Variants in RALGAPA1 observed in about 807,000 individuals in gnomAD.
The protein encoded by RALGAPA1 is ral GTPase-activating protein subunit alpha-1.
Under a neutral mutation model 269.6 loss-of-function variants are expected in RALGAPA1, and 52 were observed. The observed-to-expected ratio is 0.19, with a 90% CI of 0.15 to 0.24. The LOEUF (loss-of-function observed/expected upper bound fraction) is 0.24. Among genes scored for constraint, RALGAPA1 ranks in the 10% least tolerant of loss-of-function variants. The pLI, the probability that RALGAPA1 is intolerant of heterozygous loss-of-function variation, is 1.00. For synonymous variants in RALGAPA1, 817 were observed against 1,008.3 expected (o/e 0.81, Z 3.60); for missense variants, 1,917 against 3,013.9 (o/e 0.64, Z 8.52).
chr14:35,629,663 C>T (rs1054152768), intron 33 of RALGAPA1, among the ~76,000 whole-genome samples: 2 of 152,096 alleles, frequency 1.3e-5, no homozygotes, highest in Non-Finnish European at 2.9e-5. Flanking sequence ...CACCGCCACG[C>T]CCAGCTATTG....
At chr14:35,632,518 G>A (rs2061421549) in intron 33 of RALGAPA1, among the ~76,000 whole-genome samples, 1 of 152,148 alleles carries the variant, frequency 6.6e-6, no homozygotes, top group Admixed American at 6.5e-5. Context: ...AACATGCAGA[G>A]GAAGTTAATT....
Position 35,702,025 on chromosome 14 carries a change from C to T in RALGAPA1, c.2267-1723G>A, listed in dbSNP as rs112280710. Among the ~76,000 whole-genome samples, 70 of 152,256 alleles carry T rather than the reference C, an allele frequency of 4.6e-4. 2 individuals carry two copies. Among genetic ancestry groups the T allele is most frequent in the African/African-American group, 1.5e-3 (61 of 41,548 alleles). On this transcript the variant is annotated intron_variant, in intron 16 of 41. Coordinates refer to ENST00000680220, the MANE Select transcript of RALGAPA1 (RefSeq NM_001346249.2). ...AATAAACAAAAACAAACAAGAATTC[C>T]CACTTTTGCAAAACTTACAATCTAT...
chr14:35,604,237 A>G (rs963677788), intron 36 of RALGAPA1, among the ~76,000 whole-genome samples: 2 of 152,046 alleles, frequency 1.3e-5, no homozygotes, highest in Admixed American at 6.6e-5. Flanking sequence ...ATTACACTCA[A>G]TAACGACAGA....
intron 35 of RALGAPA1, among the ~76,000 whole-genome samples, chr14:35,624,918 C>T (rs1057104556): frequency 2.6e-5 from 4 of 152,022 alleles, no homozygotes; most frequent in Admixed American, 1.3e-4. Context: ...AAGCCAGGCG[C>T]GGTGGCTCAC....
chr14:35,634,823 A>G (rs1431748227), intron 32 of RALGAPA1, 66 bp from the exon 33 acceptor site: 2 of 1,395,926 alleles, frequency 1.4e-6, no homozygotes, highest in African/African-American at 2.9e-5. Flanking sequence ...AAGTTAAAGG[A>G]GGATAAAAAT....
At chr14:35,770,921 A>T in intron 4 of RALGAPA1, 21 bp downstream of exon 4, 6 of 1,046,290 alleles carry the variant, frequency 5.7e-6, no homozygotes, top group African/African-American at 1.6e-5. Flanking sequence ...CAAATATGAA[A>T]TACATATTTG....
chr14:35,805,746 G>A (rs1027093331), intron 1 of RALGAPA1, among the ~76,000 whole-genome samples: 1 of 148,186 alleles, frequency 6.7e-6, no homozygotes, highest in Non-Finnish European at 1.5e-5. Flanking sequence ...GTGCAGTAGC[G>A]TGATCTCGAC....
At chr14:35,668,896 TTAAA>T (rs1266889087) in intron 26 of RALGAPA1, among the ~76,000 whole-genome samples, 2 of 152,226 alleles carry the variant, frequency 1.3e-5, no homozygotes, top group Non-Finnish European at 2.9e-5. Flanking sequence ...GATTTTTTTT[TTAAA>T]TAAAGTACCT....
chr14:35,594,113 CA>C lies in RALGAPA1; in HGVS notation c.7209+1520del, dbSNP rs1249156713. 9.9e-5 allele frequency among the ~76,000 whole-genome samples: 15 copies of C among 151,966 alleles called. No homozygotes were observed. The East Asian group carries it at 1.5e-3, about 16-fold the overall frequency. ...ATAAAACTGAATCCTTATCTTACAC[CA>C]TACACAAAAATCAACTTAAAATGGG... On this transcript the variant is annotated intron_variant, in intron 37 of 41. Coordinates refer to ENST00000680220, the MANE Select transcript of RALGAPA1 (RefSeq NM_001346249.2).
chr14:35,801,514 C>T (rs925441197), intron 1 of RALGAPA1, among the ~76,000 whole-genome samples: 10 of 152,088 alleles, frequency 6.6e-5, no homozygotes, highest in Non-Finnish European at 7.4e-5. Flanking sequence ...GTGATCCACC[C>T]GCCTTGGCCT....
At chr14:35,808,019 G>C (rs953427922) in intron 1 of RALGAPA1, 1 of 152,154 alleles carries the variant, frequency 6.6e-6, no homozygotes, top group Non-Finnish European at 1.5e-5. Flanking sequence ...CCTACCAAAT[G>C]ACTAAGTATT....
rs2074975062 is a variant in RALGAPA1, at chr14:35,775,764, T to A, written c.107-19A>T. ...GCATTCTCTGAAAAATAAAAAAAAA[T>A]TACTGATTATTTACATGTATGTTAA... On this transcript the variant is annotated intron_variant, in intron 1 of 41. Transcript: ENST00000680220. The A allele has an allele frequency of 2.0e-6, 3 of 1,521,676 alleles. No individual in the cohort carries two copies. The highest frequency in any genetic ancestry group is 4.8e-5 in the Admixed American group (2 of 41,856). 94.3% of individuals were successfully genotyped at this position (1,521,676 alleles called of 1,614,324 possible).
Position 35,637,933 on chromosome 14 carries a change from GA to G in RALGAPA1, c.5677-2336del, listed in dbSNP as rs1185082781. On this transcript the variant is annotated intron_variant, in intron 31 of 41. Transcript: ENST00000680220. ...GCATGACATATTTAAAGTGCTAAAGGAAAAAAAACTTATTCTAAAATAATAT... is the reference window on the plus strand; with the variant it reads ...GCATGACATATTTAAAGTGCTAAAGGAAAAAAACTTATTCTAAAATAATAT... 4.6e-5 allele frequency among the ~76,000 whole-genome samples: 7 copies of G among 151,932 alleles called. No individual in the cohort carries two copies. The South Asian group carries it at 1.2e-3, about 27-fold the overall frequency.
chr14:35,764,105 T>A (rs908338084), intron 4 of RALGAPA1, among the ~76,000 whole-genome samples: 5 of 144,436 alleles, frequency 3.5e-5, no homozygotes, highest in South Asian at 2.2e-4. Context: ...TTTTTTTTTT[T>A]AAAGAGATGG....
chr14:35,715,310 T>G (rs2068715922), intron 16 of RALGAPA1, among the ~76,000 whole-genome samples: 1 of 152,184 alleles, frequency 6.6e-6, no homozygotes, highest in South Asian at 2.1e-4. Context: ...CTCTCTTTAT[T>G]TATATCTTAT....
chr14:35,669,618 C>A (rs894204133), intron 26 of RALGAPA1, among the ~76,000 whole-genome samples: 2 of 152,118 alleles, frequency 1.3e-5, no homozygotes, highest in Admixed American at 6.5e-5. Flanking sequence ...CAAGGTCACA[C>A]AGCTAATAAG....
At chr14:35,587,434 G>A (rs1594714565) in intron 37 of RALGAPA1, among the ~76,000 whole-genome samples, 1 of 152,154 alleles carries the variant, frequency 6.6e-6, no homozygotes, top group African/African-American at 2.4e-5. Flanking sequence ...GTCTACTGCA[G>A]CACTATTCAC....
At chr14:35,546,593 T>C (rs562277707) in intron 41 of RALGAPA1, among the ~76,000 whole-genome samples, 33 of 152,160 alleles carry the variant, frequency 2.2e-4, no homozygotes, top group African/African-American at 7.9e-4. Context: ...CATATTAGTA[T>C]TGATTAGTAC....
intron 29 of RALGAPA1, among the ~76,000 whole-genome samples, chr14:35,654,705 T>G (rs2063061251): frequency 6.6e-6 from 1 of 152,206 alleles, no homozygotes; most frequent in Admixed American, 6.5e-5. Flanking sequence ...CATTAAAGTT[T>G]TGTTGCATTT....
Sources: gnomAD v4.1 joint callset for allele counts (sites outside exome capture counted in the v4.1 genomes callset) on GRCh38, gnomAD v4.1.1 for gene constraint, MANE v1.5 for transcripts, NCBI Gene and HGNC (gene_info 2026-07-23, HGNC 2026-07-21) for gene names.